TTC28: variants seen among roughly 807,000 people sequenced by gnomAD.
TTC28 encodes tetratricopeptide repeat domain 28, also known as tetratricopeptide repeat protein 28.
A neutral mutation model predicts 198.0 loss-of-function variants in TTC28; 61 were observed. The observed-to-expected ratio is 0.31, with a 90% CI of 0.25 to 0.38. The LOEUF is 0.38. Ranked by LOEUF, TTC28 falls within the 10% of genes least tolerant of loss-of-function variation. The pLI, the probability that TTC28 is intolerant of heterozygous loss-of-function variation, is 1.00. For missense variants in TTC28, 2,678 were observed against 3,164.0 expected, an observed-to-expected ratio of 0.85 and a Z score of 3.69; for synonymous variants, 1,171 against 1,297.8, an observed-to-expected ratio of 0.90 and a Z score of 2.10.
chr22:28,536,228 A>G (rs1253722514), intron 2 of TTC28, among the ~76,000 whole-genome samples: 1 of 150,152 alleles, frequency 6.7e-6, no homozygotes, highest in Non-Finnish European at 1.5e-5. Flanking sequence ...AAACATAAAA[A>G]TAATAAATTA....
At chr22:28,018,244 A>AGTGTGTGT (rs138612299) in intron 13 of TTC28, among the ~76,000 whole-genome samples, 7,165 of 114,898 alleles carry the variant, frequency 0.062, 371 homozygotes, top group African/African-American at 0.12. Context: ...GCTGCTATTC[A>AGTGTGTGT]GTGTGTGTGT....
intron 5 of TTC28, among the ~76,000 whole-genome samples, chr22:28,174,361 G>C (rs995156152): frequency 1.3e-5 from 2 of 152,032 alleles, no homozygotes; most frequent in Admixed American, 1.3e-4. Flanking sequence ...AAGATAATAC[G>C]CACTTAGCTT....
intron 5 of TTC28, among the ~76,000 whole-genome samples, chr22:28,271,761 C>G (rs201324820): frequency 6.6e-6 from 1 of 151,924 alleles, no homozygotes; most frequent in Non-Finnish European, 1.5e-5. Context: ...CCCGCCACCA[C>G]GTCCAGCTAA....
At chr22:28,116,459 C>A (rs1942633276) in intron 6 of TTC28, among the ~76,000 whole-genome samples, 1 of 152,150 alleles carries the variant, frequency 6.6e-6, no homozygotes, top group South Asian at 2.1e-4. Context: ...TCTCTAAAGG[C>A]TATGGCCGGG....
chr22:28,379,538 C>T (rs1032335844), intron 2 of TTC28, among the ~76,000 whole-genome samples: 1 of 152,106 alleles, frequency 6.6e-6, no homozygotes, highest in Non-Finnish European at 1.5e-5. Context: ...AAGACAAATA[C>T]TGTATAATTC....
In TTC28 at chr22:27,982,172, C is replaced by T; in HGVS notation, c.*49G>A. 6.9e-7 allele frequency: 1 copy of T among 1,450,618 alleles called. No individual in the cohort carries two copies. The highest frequency in any genetic ancestry group is 9.1e-7 in the Non-Finnish European group (1 of 1,099,552). The allele number at this position is 1,450,618 out of a possible 1,614,324, so 89.9% of individuals were successfully genotyped here. A position where few individuals can be genotyped will look rare whatever the true frequency, so the allele number is the denominator to read the frequency against. On this transcript the variant is annotated 3_prime_UTR_variant, in exon 23 of 23. Coordinates refer to ENST00000397906, the MANE Select transcript of TTC28 (RefSeq NM_001145418.2). The surrounding 1 kb of genome is among the most constrained non-coding windows in gnomAD (Gnocchi z 5.2). ...CTCAGGGAAGGGCTGAAGCAAACGC[C>T]AGGCCCCCATCTGCAGGCTGCTCAG...
At chr22:28,151,605 T>C (rs73427735) in intron 6 of TTC28, among the ~76,000 whole-genome samples, 381 of 152,336 alleles carry the variant, frequency 2.5e-3, no homozygotes, top group African/African-American at 8.4e-3. Flanking sequence ...TAGGCACCGA[T>C]AGGTGTGGGG....
At chr22:28,156,476 A>C (rs745629877) in intron 6 of TTC28, among the ~76,000 whole-genome samples, 11 of 152,238 alleles carry the variant, frequency 7.2e-5, no homozygotes, top group Admixed American at 1.3e-4. Flanking sequence ...CAGAGCTGTA[A>C]GAGAATAAAT....
intron 13 of TTC28, among the ~76,000 whole-genome samples, chr22:28,022,470 T>TG (rs1424603489): frequency 6.6e-6 from 1 of 152,238 alleles, no homozygotes; most frequent in Non-Finnish European, 1.5e-5. Context: ...CAGGCTGCCC[T>TG]GGGGGGAATC....
At chr22:28,155,622 A>G (rs1049861897) in intron 6 of TTC28, among the ~76,000 whole-genome samples, 1 of 152,228 alleles carries the variant, frequency 6.6e-6, no homozygotes, top group African/African-American at 2.4e-5. Flanking sequence ...ACAGGAACAC[A>G]GGAATTATAT....
At chr22:28,451,885 A>C (rs2047783189) in intron 2 of TTC28, among the ~76,000 whole-genome samples, 1 of 152,172 alleles carries the variant, frequency 6.6e-6, no homozygotes, top group Admixed American at 6.5e-5. Context: ...AGTATGTCAT[A>C]CTTAATTAAA....
At chr22:28,569,021 C>T (rs1174908516) in intron 2 of TTC28, among the ~76,000 whole-genome samples, 1 of 151,952 alleles carries the variant, frequency 6.6e-6, no homozygotes, top group African/African-American at 2.4e-5. Context: ...GTGGCGCACA[C>T]CTGTAATCCC....
At chr22:28,557,062 T>C (rs983606971) in intron 2 of TTC28, among the ~76,000 whole-genome samples, 1 of 152,124 alleles carries the variant, frequency 6.6e-6, no homozygotes, top group Non-Finnish European at 1.5e-5. Context: ...GTGAGGACAA[T>C]ATAAGGGTGT....
At chr22:28,083,088 T>A (rs957022506) in intron 12 of TTC28, among the ~76,000 whole-genome samples, 1 of 150,892 alleles carries the variant, frequency 6.6e-6, no homozygotes, top group Non-Finnish European at 1.5e-5. Flanking sequence ...TTTTTTTTTG[T>A]CTTAAGCAAC....
At chr22:28,182,736 C>T (rs1285542733) in intron 5 of TTC28, among the ~76,000 whole-genome samples, 1 of 152,170 alleles carries the variant, frequency 6.6e-6, no homozygotes, top group Non-Finnish European at 1.5e-5. Flanking sequence ...GCTCTCTGTA[C>T]TTTCACTAAT....
chr22:28,536,889 A>G (rs2049291713), intron 2 of TTC28, among the ~76,000 whole-genome samples: 1 of 151,848 alleles, frequency 6.6e-6, no homozygotes, highest in South Asian at 2.1e-4. Context: ...CCCAACTCAG[A>G]TATCAATTTA....
chr22:28,540,924 T>C (rs938870667), intron 2 of TTC28, among the ~76,000 whole-genome samples: 1 of 152,186 alleles, frequency 6.6e-6, no homozygotes, highest in East Asian at 1.9e-4. Flanking sequence ...TTATATCAAA[T>C]GGAATCATCT....
intron 2 of TTC28, among the ~76,000 whole-genome samples, chr22:28,500,004 A>G (rs1199244698): frequency 6.6e-6 from 1 of 152,184 alleles, no homozygotes; most frequent in Admixed American, 6.5e-5. Context: ...GTCATCTTAC[A>G]GTACTACAGA....
chr22:28,339,286 T>C (rs895484164), intron 2 of TTC28, among the ~76,000 whole-genome samples: 1 of 152,138 alleles, frequency 6.6e-6, no homozygotes, highest in African/African-American at 2.4e-5. Flanking sequence ...CTGTGTGAGG[T>C]GTCAGTCTGC....
Sources: gnomAD v4.1 joint callset for allele counts (sites outside exome capture counted in the v4.1 genomes callset) on GRCh38, gnomAD v4.1.1 for gene constraint, Gnocchi (gnomAD v3.1) non-coding constraint, MANE v1.5 for transcripts, NCBI Gene and HGNC (gene_info 2026-07-23, HGNC 2026-07-21) for gene names.